The following TMEM178B variants were observed in gnomAD, a reference collection of about 807,000 sequenced individuals.
TMEM178B encodes the protein transmembrane protein 178B.
TMEM178B carries 5 observed loss-of-function variants against 31.0 expected under a neutral mutation model. The ratio of observed to expected loss-of-function variants is 0.16; its 90% CI spans 0.08 to 0.34. The LOEUF is 0.34. Ranked by LOEUF, TMEM178B falls within the 10% of genes least tolerant of loss-of-function variation. The pLI, the probability that TMEM178B is intolerant of heterozygous loss-of-function variation, is 1.00. For missense variants in TMEM178B, 275 were observed against 400.3 expected, an observed-to-expected ratio of 0.69 and a Z score of 2.67; for synonymous variants, 164 against 164.0, an observed-to-expected ratio of 1.00 and a Z score of 0.00.
At chr7:141,109,074 C>T (rs1795193287) in intron 1 of TMEM178B, among the ~76,000 whole-genome samples, 2 of 152,100 alleles carry the variant, frequency 1.3e-5, no homozygotes, top group African/African-American at 4.8e-5. Flanking sequence ...GAGAGACCGC[C>T]CCCATGATTC....
chr7:141,122,930 A>G (rs1355260253), intron 1 of TMEM178B, among the ~76,000 whole-genome samples: 4 of 152,248 alleles, frequency 2.6e-5, no homozygotes, highest in Non-Finnish European at 5.9e-5. Context: ...GCTACTGGTC[A>G]GAAAAAGAAG....
rs112781360 is a variant in TMEM178B, at chr7:141,406,982, A to G, written c.497-30626A>G. 3.3e-3 allele frequency among the ~76,000 whole-genome samples: 504 copies of G among 152,332 alleles called. 2 individuals carry two copies. Among genetic ancestry groups the G allele is most frequent in the African/African-American group, 0.011 (468 of 41,584 alleles). On this transcript the variant is annotated intron_variant, in intron 2 of 3. Coordinates refer to ENST00000565468, the MANE Select transcript of TMEM178B (RefSeq NM_001195278.2). ...TGGGGCAAGGAGGGACCACCATTCT[A>G]TCACCTCATATCCTTGTTTCTCTAA...
chr7:141,218,601 A>G (rs556911724), intron 2 of TMEM178B, among the ~76,000 whole-genome samples: 1 of 152,004 alleles, frequency 6.6e-6, no homozygotes, highest in South Asian at 2.1e-4. Flanking sequence ...TCTGGTGTGG[A>G]TCTTGGGGCA....
Position 141,461,334 on chromosome 7 carries a change from C to T in TMEM178B, c.635-9202C>T, listed in dbSNP as rs941377262. Among the ~76,000 whole-genome samples the T allele has an allele frequency of 1.2e-4, 18 of 152,158 alleles. No homozygotes were observed. The highest frequency in any genetic ancestry group is 3.6e-4 in the African/African-American group (15 of 41,434). ...TCCACATAGCAACAAGAGAGGAAGCCAGGATTGGGGATCCGCAGACACCGT... is the reference window on the plus strand; with the variant it reads ...TCCACATAGCAACAAGAGAGGAAGCTAGGATTGGGGATCCGCAGACACCGT... On this transcript the variant is annotated intron_variant, in intron 3 of 3. Coordinates refer to ENST00000565468, the MANE Select transcript of TMEM178B (RefSeq NM_001195278.2). This position sits in a 1 kb window ranked among gnomAD's most constrained non-coding sequence, Gnocchi z 4.0.
intron 2 of TMEM178B, among the ~76,000 whole-genome samples, chr7:141,320,840 G>A (rs1799085285): frequency 1.3e-5 from 2 of 152,176 alleles, no homozygotes; most frequent in African/African-American, 2.4e-5. Context: ...AATAAGTAGT[G>A]TGGGATTCAG....
downstream of TMEM178B, among the ~76,000 whole-genome samples, chr7:141,485,076 G>C (rs910215543): frequency 6.6e-6 from 1 of 152,186 alleles, no homozygotes; most frequent in African/African-American, 2.4e-5. Flanking sequence ...TGATTCTATA[G>C]TAGCCTGAGA....
rs116425150 is a variant in TMEM178B, at chr7:141,363,200, A to T, written c.497-74408A>T. On this transcript the variant is annotated intron_variant, in intron 2 of 3. Transcript: ENST00000565468. ...GTGAGTCAGCATGTTGTGACTTGTG[A>T]ATGGGACTGGCACAAACCTTCGGGA... 1.2e-3 allele frequency among the ~76,000 whole-genome samples: 177 copies of T among 152,312 alleles called. 1 individual carries two copies. The highest frequency in any genetic ancestry group is 4.0e-3 in the African/African-American group (168 of 41,592).
At chr7:141,334,830 T>C (rs118178418) in intron 2 of TMEM178B, among the ~76,000 whole-genome samples, 2,141 of 152,298 alleles carry the variant, frequency 0.014, 21 homozygotes, top group Middle Eastern at 0.024. Context: ...TCTATTAAAT[T>C]ATGTACAGTA....
At chr7:141,229,515 C>G (rs565188348) in intron 2 of TMEM178B, among the ~76,000 whole-genome samples, 1 of 151,966 alleles carries the variant, frequency 6.6e-6, no homozygotes, top group Non-Finnish European at 1.5e-5. Context: ...CGTTTTCCAT[C>G]GGCTTATTTT....
At chr7:141,241,752 C>G (rs1004619264) in intron 2 of TMEM178B, among the ~76,000 whole-genome samples, 14 of 152,104 alleles carry the variant, frequency 9.2e-5, no homozygotes, top group African/African-American at 3.4e-4. Context: ...AACACATGAA[C>G]TACATACCTA....
At chr7:141,154,561 G>A (rs1796033514) in intron 1 of TMEM178B, among the ~76,000 whole-genome samples, 2 of 152,144 alleles carry the variant, frequency 1.3e-5, no homozygotes, top group African/African-American at 4.8e-5. Flanking sequence ...CTGGGTCAGG[G>A]CAGCTGTTCC....
intron 1 of TMEM178B, among the ~76,000 whole-genome samples, chr7:141,119,141 G>A (rs1342671029): frequency 6.6e-6 from 1 of 152,160 alleles, no homozygotes; most frequent in Non-Finnish European, 1.5e-5. Flanking sequence ...GGGGCACCTG[G>A]GGCTCCATCC....
At chr7:141,108,978 G>A (rs1034508892) in intron 1 of TMEM178B, among the ~76,000 whole-genome samples, 4 of 152,186 alleles carry the variant, frequency 2.6e-5, no homozygotes, top group Non-Finnish European at 4.4e-5. Flanking sequence ...CGGCAAGAGA[G>A]AGAATGAGAG....
chr7:141,137,481 T>A (rs756916919), intron 1 of TMEM178B, among the ~76,000 whole-genome samples: 1 of 152,220 alleles, frequency 6.6e-6, no homozygotes, highest in Non-Finnish European at 1.5e-5. Flanking sequence ...AAATATCACA[T>A]GTTCTCATAT....
At chr7:141,363,991 A>C (rs1049345919) in intron 2 of TMEM178B, among the ~76,000 whole-genome samples, 2 of 151,964 alleles carry the variant, frequency 1.3e-5, no homozygotes, top group African/African-American at 2.4e-5. Context: ...AATTGAAAAA[A>C]AAATAAAGGT....
At chr7:141,099,892 T>C (rs1022710453) in intron 1 of TMEM178B, among the ~76,000 whole-genome samples, 4 of 150,490 alleles carry the variant, frequency 2.7e-5, no homozygotes, top group African/African-American at 9.8e-5. Context: ...TGCAGTGGCG[T>C]GATCTCGGCT....
chr7:141,335,905 C>T lies in TMEM178B; in HGVS notation c.497-101703C>T, dbSNP rs537794154. Among the ~76,000 whole-genome samples, 14 of 152,194 alleles carry T rather than the reference C, an allele frequency of 9.2e-5. No homozygotes were observed. In the South Asian group the frequency reaches 1.9e-3, roughly 20 times the overall value. ...CCAAGTGTCTCTGGGAAAAGGAAGC[C>T]GGGCTCTATGCGTGAAGTTGAGCTC... On this transcript the variant is annotated intron_variant, in intron 2 of 3. Transcript: ENST00000565468.
chr7:141,202,280 C>T (rs1334126072), intron 1 of TMEM178B, among the ~76,000 whole-genome samples: 2 of 142,694 alleles, frequency 1.4e-5, no homozygotes, highest in African/African-American at 5.2e-5. Context: ...ATAGAAATAC[C>T]TGATGAATAT....
the TMEM178B span, among the ~76,000 whole-genome samples, chr7:141,510,803 A>T: frequency 5.9e-5 from 9 of 151,626 alleles, no homozygotes; most frequent in African/African-American, 2.2e-4. Flanking sequence ...TCCAAGAGGC[A>T]GACAGAGGTA....
Sources: gnomAD v4.1 joint callset for allele counts (sites outside exome capture counted in the v4.1 genomes callset) on GRCh38, gnomAD v4.1.1 for gene constraint, Gnocchi (gnomAD v3.1) non-coding constraint, MANE v1.5 for transcripts, NCBI Gene and HGNC (gene_info 2026-07-23, HGNC 2026-07-21) for gene names.